The following WNK3 variants were observed in gnomAD, a reference collection of about 807,000 sequenced individuals.
WNK3 encodes the protein serine/threonine-protein kinase WNK3.
WNK3 carries 18 observed loss-of-function variants against 116.7 expected under a neutral mutation model. The observed-to-expected ratio is 0.15, with a 90% CI of 0.11 to 0.23. The LOEUF (loss-of-function observed/expected upper bound fraction) is 0.23, where lower values mean the gene tolerates loss of function less well. Ranked by LOEUF, WNK3 falls within the 10% of genes least tolerant of loss-of-function variation. The pLI, the probability that WNK3 is intolerant of heterozygous loss-of-function variation, is 1.00. For synonymous variants in WNK3, 404 were observed against 469.4 expected, an observed-to-expected ratio of 0.86 and a Z score of 1.80; for missense variants, 993 against 1,323.8, an observed-to-expected ratio of 0.75 and a Z score of 3.88.
intron 1 of WNK3, among the ~76,000 whole-genome samples, chrX:54,349,824 GAA>G (rs2069489334): frequency 9.0e-6 from 1 of 111,285 alleles, no homozygotes; most frequent in South Asian, 3.8e-4. Flanking sequence ...AGGCTGCAGT[GAA>G]CTATGACCAT....
chrX:54,200,298 C>T (rs782179118), intron 23 of WNK3, among the ~76,000 whole-genome samples: 1 of 111,836 alleles, frequency 8.9e-6, no homozygotes, highest in Admixed American at 9.5e-5. Flanking sequence ...CTCACCAAAC[C>T]CATGTCTAAC....
chrX:54,238,400 G>A, exon 19 of WNK3: 1 of 1,211,176 alleles, frequency 8.3e-7, no homozygotes, highest in Non-Finnish European at 1.1e-6. Flanking sequence ...CAAAGCCCTA[G>A]TATCAGCTGT....
intron 8 of WNK3, among the ~76,000 whole-genome samples, chrX:54,294,010 C>G (rs1557165703): frequency 9.0e-6 from 1 of 111,054 alleles, no homozygotes; most frequent in South Asian, 3.9e-4. Flanking sequence ...AACCCCATCT[C>G]TACCAAAAGA....
intron 10 of WNK3, among the ~76,000 whole-genome samples, chrX:54,260,100 G>A (rs990692570): frequency 1.8e-5 from 2 of 111,336 alleles, no homozygotes; most frequent in Non-Finnish European, 3.8e-5. Context: ...TTGAAGCCAC[G>A]CTAAACTGTA....
intron 1 of WNK3, among the ~76,000 whole-genome samples, chrX:54,336,026 A>C (rs1466071163): frequency 2.7e-5 from 3 of 112,348 alleles, no homozygotes; most frequent in African/African-American, 9.7e-5. Flanking sequence ...GCAGTGGCTC[A>C]CGCCTGCAAT....
At chrX:54,334,677 C>T (rs147746793) in intron 1 of WNK3, among the ~76,000 whole-genome samples, 1,292 of 111,580 alleles carry the variant, frequency 0.012, 16 homozygotes, top group African/African-American at 0.04. Context: ...AAACATCCAA[C>T]AGCAATTTGA....
intron 22 of WNK3, among the ~76,000 whole-genome samples, chrX:54,216,724 A>G (rs1557145385): frequency 8.9e-6 from 1 of 112,054 alleles, no homozygotes; most frequent in Non-Finnish European, 1.9e-5. Context: ...AACTGTCTGA[A>G]GTTTGATCTC....
At chrX:54,209,092 G>C (rs782317772) in intron 22 of WNK3, among the ~76,000 whole-genome samples, 1 of 111,462 alleles carries the variant, frequency 9.0e-6, no homozygotes, top group East Asian at 2.8e-4. Context: ...ACCGGTTAGG[G>C]AACAGAGGGA....
Position 54,251,768 on chromosome X carries a change from T to C in WNK3, c.2368-81A>G, listed in dbSNP as rs782261349. On this transcript the variant is annotated intron_variant, in intron 13 of 23. Transcript: ENST00000354646. ...TATTATATAAATAGTGACTATCACA[T>C]AAAGAAAGAAAATTGGGCCAGGCAC... The C allele has an allele frequency of 5.4e-4, 539 of 1,000,284 alleles. 5 individuals are homozygous for C. The South Asian group carries it at 0.013, about 24-fold the overall frequency. 82.4% of individuals were successfully genotyped at this position (1,000,284 alleles called of 1,213,427 possible).
At position 54,233,035 on chromosome X, in the gene WNK3, T is replaced by C. The variant is rs782718424; in HGVS notation, c.4629-15A>G. ...CCTGAATGTGTCTGAATGAAAATCA[T>C]GCAAAAAGCATTTTAATGGCACTGG... is the stretch of plus-strand genomic sequence containing the variant. On this transcript the variant is annotated splice_polypyrimidine_tract_variant and intron_variant, in intron 20 of 23. Transcript: ENST00000354646. 1.5e-5 allele frequency: 17 copies of C among 1,172,252 alleles called. No individual in the cohort carries two copies. Among genetic ancestry groups the C allele is most frequent in the Non-Finnish European group, 1.7e-5 (15 of 863,911 alleles).
intron 1 of WNK3, among the ~76,000 whole-genome samples, chrX:54,354,753 A>G (rs888467702): frequency 1.8e-5 from 2 of 112,131 alleles, no homozygotes; most frequent in African/African-American, 6.5e-5. Flanking sequence ...TTAAAAATAA[A>G]AAAAATTAGG....
At chrX:54,269,962 T>C (rs1557158847) in intron 10 of WNK3, among the ~76,000 whole-genome samples, 1 of 112,019 alleles carries the variant, frequency 8.9e-6, no homozygotes, top group African/African-American at 3.2e-5. Flanking sequence ...ACATTTTTCA[T>C]ACACACATAG....
At chrX:54,346,137 T>G (rs2069422909) in intron 1 of WNK3, among the ~76,000 whole-genome samples, 1 of 106,487 alleles carries the variant, frequency 9.4e-6, no homozygotes, top group Non-Finnish European at 1.9e-5. Flanking sequence ...TGTATATATA[T>G]ATATATGTTG....
chrX:54,289,720 C>T (rs1316707762), intron 10 of WNK3, among the ~76,000 whole-genome samples: 1 of 110,805 alleles, frequency 9.0e-6, no homozygotes, highest in Non-Finnish European at 1.9e-5. Context: ...CTGATGGGCC[C>T]CTGAATGCCC....
chrX:54,219,669 CAAAAAAAAAAAAAAAAA>C (rs34431672), intron 22 of WNK3, among the ~76,000 whole-genome samples: 1 of 15,191 alleles, frequency 6.6e-5, no homozygotes, highest in African/African-American at 1.8e-4. Flanking sequence ...CTCCATCTCC[CAAAAAAAAAAAAAAAAA>C]AAAAAAAAAA....
intron 1 of WNK3, among the ~76,000 whole-genome samples, chrX:54,335,962 G>C (rs1312961685): frequency 1.8e-5 from 2 of 112,173 alleles, no homozygotes; most frequent in Non-Finnish European, 3.8e-5. Context: ...ATTGAGTTCA[G>C]AAATAAAGCC....
chrX:54,248,838 A>G (rs1557153273), exon 17 of WNK3: 1 of 1,211,712 alleles, frequency 8.3e-7, no homozygotes, highest in Non-Finnish European at 1.1e-6. Flanking sequence ...GTACAGGGCT[A>G]TCTTTAATTC....
chrX:54,217,115 G>A (rs1265381263), intron 22 of WNK3, among the ~76,000 whole-genome samples: 1 of 108,204 alleles, frequency 9.2e-6, no homozygotes, highest in Non-Finnish European at 1.9e-5. Flanking sequence ...GTCGGAGATC[G>A]AGACCATCCT....
chrX:54,259,185 C>A, intron 11 of WNK3, 89 bp downstream of exon 11: 1 of 386,740 alleles, frequency 2.6e-6, no homozygotes, highest in African/African-American at 2.6e-5. Flanking sequence ...ACAGAAGCTT[C>A]TCTAGTCAGG....
Sources: gnomAD v4.1 joint callset for allele counts (sites outside exome capture counted in the v4.1 genomes callset) on GRCh38, gnomAD v4.1.1 for gene constraint, MANE v1.5 for transcripts, NCBI Gene and HGNC (gene_info 2026-07-23, HGNC 2026-07-21) for gene names.